Variants in ZCCHC7 observed in about 807,000 individuals in gnomAD.
ZCCHC7 encodes zinc finger CCHC-type containing 7, also known as zinc finger CCHC domain-containing protein 7.
Under a neutral mutation model 52.0 loss-of-function variants are expected in ZCCHC7, and 35 were observed. The ratio of observed to expected loss-of-function variants is 0.67; its 90% CI spans 0.51 to 0.89. The LOEUF is 0.89. Among genes scored for constraint, ZCCHC7 ranks in the 40% least tolerant of loss-of-function variants. The probability of loss-of-function intolerance (pLI) is 0.00; values close to 1 mark genes in which losing one functional copy is unlikely to be tolerated. For missense variants in ZCCHC7, 574 were observed against 649.1 expected (o/e 0.88, Z 1.26); for synonymous variants, 217 against 221.5 (o/e 0.98, Z 0.18).
intron 2 of ZCCHC7, among the ~76,000 whole-genome samples, chr9:37,222,216 A>T (rs896759842): frequency 2.7e-5 from 4 of 146,576 alleles, no homozygotes; most frequent in Admixed American, 6.9e-5. Flanking sequence ...ATAGAAAATT[A>T]AAAAAAAAAA....
intron 7 of ZCCHC7, among the ~76,000 whole-genome samples, chr9:37,352,936 G>T (rs1299453461): frequency 6.6e-6 from 1 of 151,830 alleles, no homozygotes; most frequent in Non-Finnish European, 1.5e-5. Flanking sequence ...TAAATCTAAA[G>T]ATAGCAGAAG....
intron 2 of ZCCHC7, among the ~76,000 whole-genome samples, chr9:37,251,125 ATT>A (rs1352698193): frequency 6.6e-6 from 1 of 152,226 alleles, no homozygotes; most frequent in Non-Finnish European, 1.5e-5. Context: ...TCAAATGTCA[ATT>A]TAATGTGTTC....
intron 2 of ZCCHC7, among the ~76,000 whole-genome samples, chr9:37,196,979 TTC>T (rs1464966727): frequency 6.6e-6 from 1 of 152,202 alleles, no homozygotes; most frequent in Non-Finnish European, 1.5e-5. Context: ...TTATTAAAAA[TTC>T]TGTTATATAT....
At chr9:37,304,613 A>C (rs1205853270) in intron 4 of ZCCHC7, among the ~76,000 whole-genome samples, 1 of 151,726 alleles carries the variant, frequency 6.6e-6, no homozygotes, top group Non-Finnish European at 1.5e-5. Context: ...CAGAGATCAC[A>C]CCATTGCACT....
chr9:37,145,540 A>G (rs1043091072), intron 2 of ZCCHC7, among the ~76,000 whole-genome samples: 4 of 151,960 alleles, frequency 2.6e-5, no homozygotes. Context: ...AAAGCAGAAC[A>G]TTAGAGTTCT....
At chr9:37,255,454 T>C (rs1826540314) in intron 2 of ZCCHC7, among the ~76,000 whole-genome samples, 1 of 152,070 alleles carries the variant, frequency 6.6e-6, no homozygotes. Flanking sequence ...CACATCCTCA[T>C]GGGGACAGTG....
intron 2 of ZCCHC7, among the ~76,000 whole-genome samples, chr9:37,270,691 A>G (rs1245128269): frequency 1.3e-5 from 2 of 151,904 alleles, no homozygotes; most frequent in Non-Finnish European, 2.9e-5. Flanking sequence ...TCAAAAAAAA[A>G]AAAAAGAAAA....
chr9:37,353,006 C>T (rs1214617779), intron 7 of ZCCHC7, among the ~76,000 whole-genome samples: 1 of 151,904 alleles, frequency 6.6e-6, no homozygotes, highest in Non-Finnish European at 1.5e-5. Context: ...ACAGCATCAA[C>T]AAAACCAAAA....
intron 2 of ZCCHC7, among the ~76,000 whole-genome samples, chr9:37,230,020 C>T (rs943980288): frequency 3.3e-5 from 5 of 152,164 alleles, no homozygotes; most frequent in South Asian, 2.1e-4. Context: ...TCGTTAATAT[C>T]GCTGTCTTCC....
intron 2 of ZCCHC7, among the ~76,000 whole-genome samples, chr9:37,170,285 C>T (rs1821659554): frequency 6.6e-6 from 1 of 152,126 alleles, no homozygotes. Context: ...TTGTAGTTCT[C>T]AGAGGCTATT....
At chr9:37,346,159 C>T (rs1434113649) in intron 6 of ZCCHC7, among the ~76,000 whole-genome samples, 1 of 152,058 alleles carries the variant, frequency 6.6e-6, no homozygotes, top group Non-Finnish European at 1.5e-5. Context: ...TGCACCACCA[C>T]GCCTAGCTAA....
intron 5 of ZCCHC7, among the ~76,000 whole-genome samples, chr9:37,313,761 G>C (rs1406605924): frequency 6.6e-6 from 1 of 152,152 alleles, no homozygotes; most frequent in African/African-American, 2.4e-5. Flanking sequence ...ACGTGAAGGT[G>C]CTTGCTTCCC....
intron 2 of ZCCHC7, among the ~76,000 whole-genome samples, chr9:37,202,904 T>A (rs925414559): frequency 5.9e-5 from 9 of 152,256 alleles, no homozygotes; most frequent in Non-Finnish European, 1.0e-4. Flanking sequence ...GTTTTGGCAC[T>A]AGAATCTAAG....
chr9:37,281,374 A>T (rs770726868), intron 2 of ZCCHC7, among the ~76,000 whole-genome samples: 15 of 152,240 alleles, frequency 9.9e-5, no homozygotes. Context: ...ATTGTGACAT[A>T]GAGGTGAAAT....
intron 2 of ZCCHC7, among the ~76,000 whole-genome samples, chr9:37,258,185 A>T (rs1463741806): frequency 6.6e-6 from 1 of 152,162 alleles, no homozygotes; most frequent in Non-Finnish European, 1.5e-5. Flanking sequence ...ACTATCCTTT[A>T]TGTCTCTGTT....
chr9:37,323,174 A>G (rs955553096), intron 5 of ZCCHC7, among the ~76,000 whole-genome samples: 5 of 152,200 alleles, frequency 3.3e-5, no homozygotes, highest in Admixed American at 3.3e-4. Flanking sequence ...TTTAGCTGCT[A>G]CATTATCATG....
At chr9:37,308,762 C>G (rs1164634985) in intron 5 of ZCCHC7, among the ~76,000 whole-genome samples, 2 of 151,852 alleles carry the variant, frequency 1.3e-5, no homozygotes, top group Non-Finnish European at 2.9e-5. Flanking sequence ...AGGTGGATCA[C>G]GAGGTCAAGA....
At chr9:37,122,445 C>G (rs146196964) in intron 1 of ZCCHC7, among the ~76,000 whole-genome samples, 33 of 152,230 alleles carry the variant, frequency 2.2e-4, no homozygotes, top group Admixed American at 7.8e-4. Context: ...TTTTTGAGTA[C>G]CAACTTGGGA....
chr9:37,349,756 C>T (rs181464948), intron 7 of ZCCHC7, among the ~76,000 whole-genome samples: 1 of 152,126 alleles, frequency 6.6e-6, no homozygotes, highest in African/African-American at 2.4e-5. Flanking sequence ...CTTACAAACA[C>T]AATTGCTTTG....
Sources: allele counts gnomAD v4.1 joint callset (sites outside exome capture counted in the v4.1 genomes callset), GRCh38; gene constraint gnomAD v4.1.1; transcripts MANE v1.5; gene names NCBI Gene and HGNC (gene_info 2026-07-23, HGNC 2026-07-21).